The following TRAPPC9 variants were observed in gnomAD, a reference collection of about 807,000 sequenced individuals.
The protein encoded by TRAPPC9 is IKK2 binding protein.
Under a neutral mutation model 124.0 loss-of-function variants are expected in TRAPPC9, and 83 were observed. The observed-to-expected ratio is 0.67, with a 90% CI of 0.56 to 0.80. The LOEUF is 0.80. Ranked by LOEUF, TRAPPC9 falls within the 30% of genes least tolerant of loss-of-function variation. The pLI, the probability that TRAPPC9 is intolerant of heterozygous loss-of-function variation, is 0.00. For missense variants in TRAPPC9, 1,302 were observed against 1,508.3 expected, an observed-to-expected ratio of 0.86 and a Z score of 2.27; for synonymous variants, 638 against 617.5, an observed-to-expected ratio of 1.03 and a Z score of -0.49.
At chr8:140,458,386 T>C, upstream of TRAPPC9, 1 of 1,598,452 alleles carries the variant, frequency 6.3e-7, no homozygotes, top group Admixed American at 1.7e-5. Context: ...CCTGTGACCC[T>C]CACGGTACCC....
chr8:139,836,987 C>A (rs998693345), intron 21 of TRAPPC9, among the ~76,000 whole-genome samples: 1 of 152,026 alleles, frequency 6.6e-6, no homozygotes, highest in Admixed American at 6.5e-5. Context: ...TGGGGCCTAG[C>A]GATCTGGGTT....
Position 140,038,941 on chromosome 8 carries a change from G to A in TRAPPC9, c.2557-14862C>T, listed in dbSNP as rs565764256. 1.4e-4 allele frequency among the ~76,000 whole-genome samples: 22 copies of A among 152,210 alleles called. No individual in the cohort carries two copies. In the South Asian group the frequency reaches 1.9e-3, roughly 13 times the overall value. On this transcript the variant is annotated intron_variant, in intron 17 of 22. Transcript: ENST00000438773. ...CCCAGCATTTCATCCTCACACCCTC[G>A]TACCTGGAACTCACAGGGAGCTCAG... is the stretch of plus-strand genomic sequence containing the variant.
chr8:139,979,110 G>T lies in TRAPPC9; in HGVS notation c.2810+9616C>A, dbSNP rs553908113. Among the ~76,000 whole-genome samples the T allele has an allele frequency of 2.3e-3, 338 of 149,020 alleles. 1 individual carries two copies. The highest frequency in any genetic ancestry group is 8.4e-3 in the African/African-American group (325 of 38,594). On this transcript the variant is annotated intron_variant, in intron 19 of 22. Coordinates refer to ENST00000438773, the MANE Select transcript of TRAPPC9 (RefSeq NM_001160372.4). ...GGAGCCGTGAGGGTCAGGTCTGACA[G>T]GAATGCAAGCACCACAAGAGAATTA...
intron 15 of TRAPPC9, among the ~76,000 whole-genome samples, chr8:140,266,230 C>A (rs570425834): frequency 6.6e-6 from 1 of 151,706 alleles, no homozygotes; most frequent in Non-Finnish European, 1.5e-5. Context: ...CTGAGGCGGA[C>A]AGAGTATTTG....
At chr8:140,177,170 G>A (rs1043530373) in intron 17 of TRAPPC9, among the ~76,000 whole-genome samples, 1 of 151,952 alleles carries the variant, frequency 6.6e-6, no homozygotes, top group Non-Finnish European at 1.5e-5. Context: ...TTACCATTTT[G>A]TCCTTTGTGT....
intron 17 of TRAPPC9, among the ~76,000 whole-genome samples, chr8:140,157,230 CT>C (rs755161204): frequency 0.031 from 569 of 18,438 alleles, 48 homozygotes; most frequent in African/African-American, 0.053. Flanking sequence ...AAAAGCCTCC[CT>C]TTTCCATTCA....
At chr8:140,355,188 G>A (rs950719889) in intron 9 of TRAPPC9, among the ~76,000 whole-genome samples, 1 of 152,170 alleles carries the variant, frequency 6.6e-6, no homozygotes, top group African/African-American at 2.4e-5. Context: ...AGGACAAGGG[G>A]CACCTGACAC....
intron 18 of TRAPPC9, among the ~76,000 whole-genome samples, chr8:140,011,214 C>T (rs1325906499): frequency 1.3e-5 from 2 of 151,660 alleles, no homozygotes; most frequent in African/African-American, 2.4e-5. Flanking sequence ...GTGAGGCAGG[C>T]GCCTGTAATC....
intron 17 of TRAPPC9, among the ~76,000 whole-genome samples, chr8:140,197,573 T>C (rs537670351): frequency 2.6e-5 from 4 of 152,322 alleles, no homozygotes; most frequent in Admixed American, 2.6e-4. Context: ...TGCCTCGGTA[T>C]CAAGGACTAT....
intron 7 of TRAPPC9, among the ~76,000 whole-genome samples, chr8:140,377,502 T>C (rs1431345080): frequency 1.3e-5 from 2 of 152,176 alleles, no homozygotes; most frequent in South Asian, 2.1e-4. Context: ...TTTCGTCATG[T>C]TGGCCAAGCT....
chr8:140,286,987 C>G (rs890775278), intron 13 of TRAPPC9, among the ~76,000 whole-genome samples: 1 of 152,016 alleles, frequency 6.6e-6, no homozygotes. Flanking sequence ...GAGACCCAAA[C>G]AGAAGGGCCA....
chr8:140,284,783 C>T (rs756555359), intron 13 of TRAPPC9, among the ~76,000 whole-genome samples: 8 of 152,200 alleles, frequency 5.3e-5, no homozygotes, highest in Non-Finnish European at 8.8e-5. Context: ...AAATCAGGGA[C>T]CTTACACAGC....
chr8:140,008,906 G>T (rs1838938987), intron 18 of TRAPPC9, among the ~76,000 whole-genome samples: 1 of 152,182 alleles, frequency 6.6e-6, no homozygotes, highest in Admixed American at 6.5e-5. Context: ...GGTATAGGGT[G>T]CATAGAATTT....
At chr8:140,300,380 C>G in intron 11 of TRAPPC9, 89 bp downstream of exon 11, 5 of 1,565,162 alleles carry the variant, frequency 3.2e-6, no homozygotes, top group Non-Finnish European at 4.4e-6. Flanking sequence ...CATGCATGAA[C>G]TGGCTCAAAA....
intron 21 of TRAPPC9, among the ~76,000 whole-genome samples, chr8:139,865,862 C>T (rs1388191569): frequency 3.3e-5 from 5 of 152,326 alleles, no homozygotes; most frequent in African/African-American, 9.6e-5. Flanking sequence ...GCTCGTGACA[C>T]AGCCCTCAGG....
chr8:140,370,988 G>A lies in TRAPPC9; in HGVS notation c.1327C>T (p.Leu443=), dbSNP rs775267228. The change falls in exon 8 of 23, where the codon CTG becomes TTG. Residue 443 remains leucine, a synonymous_variant. Transcript: ENST00000438773. ...CCTCTGCTGAAATCTTTGGGATCCA[G>A]CGACAGACTGTAGCCGGGCAGCGTT... is the stretch of plus-strand genomic sequence containing the variant. The part of the protein sequence containing the change: ...LETLPGYSLS[L]DPKDFSRGTH... The A allele has an allele frequency of 1.9e-6, 3 of 1,614,254 alleles. No individual in the cohort carries two copies. The highest frequency in any genetic ancestry group is 2.5e-6 in the Non-Finnish European group (3 of 1,180,050).
intron 17 of TRAPPC9, among the ~76,000 whole-genome samples, chr8:140,060,208 G>A (rs111632510): frequency 0.019 from 2,942 of 152,264 alleles, 92 homozygotes; most frequent in African/African-American, 0.067. Context: ...GGGCCAGGCC[G>A]GCCCCACTGC....
At chr8:139,820,001 C>CT (rs1825143073) in intron 21 of TRAPPC9, among the ~76,000 whole-genome samples, 1 of 75,760 alleles carries the variant, frequency 1.3e-5, no homozygotes, top group Non-Finnish European at 2.3e-5. Flanking sequence ...GAGTAAGACT[C>CT]TGTCTCAAAA....
chr8:140,009,056 A>G (rs1459052039), intron 18 of TRAPPC9, among the ~76,000 whole-genome samples: 1 of 152,242 alleles, frequency 6.6e-6, no homozygotes, highest in East Asian at 1.9e-4. Flanking sequence ...GGACGGGAAA[A>G]GGGAAAAAGA....
Sources: allele counts gnomAD v4.1 joint callset (sites outside exome capture counted in the v4.1 genomes callset), GRCh38; gene constraint gnomAD v4.1.1; transcripts MANE v1.5; gene names NCBI Gene and HGNC (gene_info 2026-07-23, HGNC 2026-07-21).